ABCF1: variants seen among roughly 807,000 people sequenced by gnomAD.
ABCF1 encodes ATP binding cassette subfamily F member 1.
A neutral mutation model predicts 126.3 loss-of-function variants in ABCF1; 73 were observed. The ratio of observed to expected loss-of-function variants is 0.58; its 90% CI spans 0.48 to 0.70. The LOEUF is 0.70. ABCF1 is among the 30% of genes least tolerant of loss of function. The pLI, the probability that ABCF1 is intolerant of heterozygous loss-of-function variation, is 0.00. For missense variants in ABCF1, 786 were observed against 1,057.5 expected (o/e 0.74, Z 3.56); for synonymous variants, 345 against 396.4 (o/e 0.87, Z 1.54).
chr6:30,571,730 T>C (rs1325974297), intron 1 of ABCF1, among the ~76,000 whole-genome samples, 170 bp downstream of exon 1: 2 of 151,694 alleles, frequency 1.3e-5, no homozygotes, highest in African/African-American at 4.8e-5. Context: ...GGGTTTGGAA[T>C]CGGGGTTAAA....
Position 30,585,329 on chromosome 6 carries a change from C to T in ABCF1, c.1461C>T (p.Val487=). The T allele has an allele frequency of 6.2e-7, 1 of 1,613,292 alleles. No individual in the cohort carries two copies. The highest frequency in any genetic ancestry group is 8.5e-7 in the Non-Finnish European group (1 of 1,179,842). The stretch of plus-strand genomic sequence containing the variant: ...CCAACCACCTGGACCTCAACGCTGT[C>T]ATCTGGCTTAATAAGTGCGTTACGG... ...EPTNHLDLNA[V]IWLNNYLQGW... Residue 487 remains valine (V), a synonymous_variant, in exon 15 of 25, where the codon GTC becomes GTT. Coordinates refer to ENST00000326195, the MANE Select transcript of ABCF1 (RefSeq NM_001025091.2).
chr6:30,580,640 T>G (rs1801769744), intron 8 of ABCF1, 121 bp downstream of exon 8: 1 of 619,280 alleles, frequency 1.6e-6, no homozygotes, highest in Non-Finnish European at 2.5e-6. Flanking sequence ...TTTTCTTTTT[T>G]TGGGGGAGTA....
intron 4 of ABCF1, 31 bp from the exon 5 acceptor site, chr6:30,578,317 C>T: frequency 1.9e-6 from 3 of 1,614,000 alleles, no homozygotes; most frequent in Non-Finnish European, 2.5e-6. Flanking sequence ...GTAATTCTTT[C>T]CTATCTCATG....
chr6:30,572,016 C>T (rs1270001711), intron 1 of ABCF1, among the ~76,000 whole-genome samples: 2 of 152,062 alleles, frequency 1.3e-5, no homozygotes, highest in Non-Finnish European at 2.9e-5. Flanking sequence ...TCTTAAGACA[C>T]CCCTCTCACT....
chr6:30,575,537 A>T (rs1440339686), intron 1 of ABCF1, among the ~76,000 whole-genome samples: 2 of 152,056 alleles, frequency 1.3e-5, no homozygotes, highest in Non-Finnish European at 2.9e-5. Context: ...CTCTACCTTC[A>T]GGGAAACAAG....
chr6:30,585,628 A>G lies in ABCF1; in HGVS notation c.1546A>G (p.Thr516Ala). 1.2e-6 allele frequency: 2 copies of G among 1,612,924 alleles called. No individual in the cohort carries two copies. The highest frequency in any genetic ancestry group is 1.7e-6 in the Non-Finnish European group (2 of 1,179,910). Residue 516 changes from threonine to alanine, a missense_variant, in exon 16 of 25, where the codon ACT becomes GCT. Around this residue, in one of 4 missense-constraint regions of ABCF1, gnomAD observed 288 missense variants for 423.5 expected, o/e 0.68. Coordinates refer to ENST00000326195, the MANE Select transcript of ABCF1 (RefSeq NM_001025091.2). ...CCAGGGCTTCTTGGATGATGTCTGC[A>G]CTGATATCATCCACCTCGATGCCCA... is the stretch of plus-strand genomic sequence containing the variant. Reference protein sequence around the residue: ...HDQGFLDDVCTDIIHLDAQRL... With the variant: ...HDQGFLDDVCADIIHLDAQRL...
chr6:30,583,945 G>A lies in ABCF1; in HGVS notation c.1102+55G>A. 1.3e-6 allele frequency: 2 copies of A among 1,577,618 alleles called. No homozygotes were observed. The highest frequency in any genetic ancestry group is 1.3e-5 in the African/African-American group (1 of 74,174). On this transcript the variant is annotated intron_variant, in intron 12 of 24. Transcript: ENST00000326195. The surrounding 1 kb of genome is among the most constrained non-coding windows in gnomAD (Gnocchi z 4.1). ...GTGGGGTGGGCAGTTGGGTAGAAAA[G>A]CCAGCCAGCCAAGAATAGAAGAAAT...
chr6:30,585,521 C>G (rs1028830543), intron 15 of ABCF1, 37 bp from the exon 16 acceptor site: 3 of 1,612,392 alleles, frequency 1.9e-6, no homozygotes, highest in Admixed American at 1.7e-5. Flanking sequence ...TCTCACTTGA[C>G]CACTGTGACA....
In ABCF1 at chr6:30,577,871, G is replaced by A. The variant is rs767831997; in HGVS notation, c.174G>A (p.Val58=). ...AACAGGCTGGGGAAGAAGAGAAAGT[G>A]CTCAAGGAGAAGGAGCAGCAGCAGC... The part of the protein sequence containing the change: ...EDKQAGEEEK[V]LKEKEQQQQQ... Residue 58 remains valine (V), a synonymous_variant, in exon 3 of 25, where the codon GTG becomes GTA. Transcript: ENST00000326195. 20 of 1,613,950 alleles carry A rather than the reference G, an allele frequency of 1.2e-5. No individual in the cohort carries two copies. Among genetic ancestry groups the A allele is most frequent in the Admixed American group, 1.7e-5 (1 of 59,994 alleles).
rs1401179558 is a variant in ABCF1 at position 30,584,365 on chromosome 6, A to G, written c.1242+34A>G. 9 of 1,612,944 alleles carry G rather than the reference A, an allele frequency of 5.6e-6. No individual in the cohort carries two copies. The African/African-American group carries it at 9.3e-5, about 17-fold the overall frequency. Reference sequence around the variant, plus strand: ...GATGGCGCAGGGGACACGGGCAAAGACTTGGGGGTTCCTGGGACCCTCAGA... The same window carrying G: ...GATGGCGCAGGGGACACGGGCAAAGGCTTGGGGGTTCCTGGGACCCTCAGA... On this transcript the variant is annotated intron_variant, in intron 13 of 24. Coordinates refer to ENST00000326195, the MANE Select transcript of ABCF1 (RefSeq NM_001025091.2). The surrounding 1 kb of genome is among the most constrained non-coding windows in gnomAD (Gnocchi z 4.6).
chr6:30,580,206 G>T (rs192870043), intron 7 of ABCF1, among the ~76,000 whole-genome samples, 200 bp from the exon 8 acceptor site: 1,990 of 152,068 alleles, frequency 0.013, 19 homozygotes, highest in Non-Finnish European at 0.021. Flanking sequence ...AATTAGCCGG[G>T]CGTGGTGGCG....
Position 30,583,705 on chromosome 6 carries a change from A to G in ABCF1, c.1013A>G (p.Asn338Ser). ...CGCCGCTACGGGCTGGTAGGACCCA[A>G]TGGGTGAGAAGAGGAGGGAGCTGGA... ...AGRRYGLVGP[N>S]GKGKTTLLKH... is the part of the protein sequence containing the mutation. The change falls in exon 11 of 25, where the codon AAT becomes AGT. Residue 338 changes from asparagine (N) to serine (S), a missense_variant. Asn to Ser is a conservative substitution (Grantham distance 46). Transcript: ENST00000326195. The surrounding 1 kb of genome is among the most constrained non-coding windows in gnomAD (Gnocchi z 4.1). 1.9e-6 allele frequency: 3 copies of G among 1,614,010 alleles called. No individual in the cohort carries two copies. Among genetic ancestry groups the G allele is most frequent in the Non-Finnish European group, 2.5e-6 (3 of 1,179,934 alleles).
At chr6:30,577,152 G>C (rs947340791) in intron 1 of ABCF1, among the ~76,000 whole-genome samples, 2 of 152,180 alleles carry the variant, frequency 1.3e-5, no homozygotes, top group African/African-American at 2.4e-5. Flanking sequence ...CATTTGTCTT[G>C]TTCATTGCTA....
Position 30,577,884 on chromosome 6 carries a change from G to GAGC in ABCF1, c.201_203dup (p.Gln73dup), listed in dbSNP as rs775422340. 3.1e-6 allele frequency: 5 copies of GAGC among 1,614,014 alleles called. No individual in the cohort carries two copies. Among genetic ancestry groups the GAGC allele is most frequent in the African/African-American group, 1.3e-5 (1 of 75,018 alleles). Reference sequence around the variant, plus strand: ...AGAAGAGAAAGTGCTCAAGGAGAAGGAGCAGCAGCAGCAGCAACAGCAACA... The same window carrying GAGC: ...AGAAGAGAAAGTGCTCAAGGAGAAGGAGCAGCAGCAGCAGCAGCAACAGCAACA... On this transcript the variant is annotated inframe_insertion, in exon 3 of 25. Coordinates refer to ENST00000326195, the MANE Select transcript of ABCF1 (RefSeq NM_001025091.2).
intron 8 of ABCF1, among the ~76,000 whole-genome samples, chr6:30,582,151 G>T (rs1214937705): frequency 6.6e-6 from 1 of 151,802 alleles, no homozygotes; most frequent in African/African-American, 2.4e-5. Flanking sequence ...CCTCCTCCCA[G>T]GTTCACACCA....
rs1802150998 is a variant in ABCF1 at position 30,586,621 on chromosome 6, A to G, written c.1961-20A>G. The G allele has an allele frequency of 7.4e-6, 12 of 1,613,190 alleles. No homozygotes were observed. Among genetic ancestry groups the G allele is most frequent in the African/African-American group, 1.3e-5 (1 of 74,940 alleles). ...AGAGTCTCTGGGGACCTCTTTGACC[A>G]CCTGTCTTCCATCTTGCAGTTTGCA... On this transcript the variant is annotated intron_variant, in intron 19 of 24. Transcript: ENST00000326195. This position sits in a 1 kb window ranked among gnomAD's most constrained non-coding sequence, Gnocchi z 4.9.
In ABCF1 at chr6:30,589,822, A is replaced by T; in HGVS notation, c.2081A>T (p.Asn694Ile). The T allele has an allele frequency of 1.9e-6, 3 of 1,614,184 alleles. No individual in the cohort carries two copies. Among genetic ancestry groups the T allele is most frequent in the South Asian group, 2.2e-5 (2 of 91,086 alleles). The change falls in exon 22 of 25, where the codon AAC becomes ATC. Residue 694 changes from asparagine (N) to isoleucine (I), a missense_variant. Asn to Ile is a moderately radical substitution (Grantham distance 149). Transcript: ENST00000326195. The part of the protein sequence containing the change: ...KNHRLKIGFF[N>I]QQYAEQLRME... ...CTCGGGCAGAAAATTGGCTTCTTCA[A>T]CCAGCAGTATGCAGAGCAGCTGCGC...
At position 30,586,052 on chromosome 6, in the gene ABCF1, A is replaced by G; in HGVS notation, c.1713+61A>G. 1.3e-6 allele frequency: 2 copies of G among 1,591,406 alleles called. No individual in the cohort carries two copies. The highest frequency in any genetic ancestry group is 1.1e-5 in the South Asian group (1 of 88,742). On this transcript the variant is annotated intron_variant, in intron 17 of 24. Coordinates refer to ENST00000326195, the MANE Select transcript of ABCF1 (RefSeq NM_001025091.2). This position sits in a 1 kb window ranked among gnomAD's most constrained non-coding sequence, Gnocchi z 4.9. Reference sequence around the variant, plus strand: ...TGTTCTCTCCTGGCAGTGGAGGAAGAAGGAGACTCTGGAACGCTGGCCTAC... The same window carrying G: ...TGTTCTCTCCTGGCAGTGGAGGAAGGAGGAGACTCTGGAACGCTGGCCTAC...
chr6:30,580,121 C>T (rs1056875681), intron 7 of ABCF1, 116 bp downstream of exon 7: 49 of 990,062 alleles, frequency 4.9e-5, no homozygotes, highest in Non-Finnish European at 6.8e-5. Context: ...CCGAGGTGGG[C>T]GGATCACGAG....
Sources: allele counts gnomAD v4.1 joint callset (sites outside exome capture counted in the v4.1 genomes callset), GRCh38; gene constraint gnomAD v4.1.1; regional missense constraint gnomAD v4.1.1; non-coding constraint Gnocchi (gnomAD v3.1); transcripts MANE v1.5; gene names NCBI Gene and HGNC (gene_info 2026-07-23, HGNC 2026-07-21).